The following TMEM232 variants were observed in gnomAD, a reference collection of about 807,000 sequenced individuals.
TMEM232 encodes transmembrane protein 232.
TMEM232 carries 80 observed loss-of-function variants against 78.8 expected under a neutral mutation model. The observed-to-expected ratio is 1.01, with a 90% confidence interval of 0.85 to 1.22. The LOEUF is 1.22. TMEM232 is among the 50% of genes most tolerant of loss of function. The probability of loss-of-function intolerance (pLI) is 0.00; values close to 1 mark genes in which losing one functional copy is unlikely to be tolerated. For missense variants in TMEM232, 881 were observed against 742.2 expected (o/e 1.19, Z -2.17); for synonymous variants, 297 against 254.3 (o/e 1.17, Z -1.60).
chr5:110,525,642 C>A (rs890698901), intron 12 of TMEM232, among the ~76,000 whole-genome samples: 2 of 151,378 alleles, frequency 1.3e-5, no homozygotes, highest in African/African-American at 4.8e-5. Context: ...TTAAGTGATG[C>A]AAGTAAATTT....
At position 110,640,886 on chromosome 5, in the gene TMEM232, C is replaced by T. The variant is rs374240279; in HGVS notation, c.343+5G>A. 9.8e-5 allele frequency: 148 copies of T among 1,506,102 alleles called. 2 individuals are homozygous for T. The Middle Eastern group carries it at 1.9e-3, about 19-fold the overall frequency. 93.3% of individuals were successfully genotyped at this position (1,506,102 alleles called of 1,614,324 possible). On this transcript the variant is annotated splice_donor_5th_base_variant and intron_variant, in intron 4 of 13. Coordinates refer to ENST00000455884, the MANE Select transcript of TMEM232 (RefSeq NM_001039763.4). ...GGATGCCTAATAAGAATTTAAAGTA[C>T]GTACCATCTTGGATTTCCCCTTTGC... is the stretch of plus-strand genomic sequence containing the variant.
At chr5:110,731,447 G>A (rs1798673098), upstream of TMEM232, among the ~76,000 whole-genome samples, 1 of 152,168 alleles carries the variant, frequency 6.6e-6, no homozygotes, top group South Asian at 2.1e-4. Context: ...CTCCATGAGG[G>A]CCCCACCCCT....
At chr5:110,698,225 G>A (rs980720460) in intron 1 of TMEM232, among the ~76,000 whole-genome samples, 1 of 151,672 alleles carries the variant, frequency 6.6e-6, no homozygotes, top group Non-Finnish European at 1.5e-5. Context: ...TCATAGGTGG[G>A]AATGGAACAA....
At chr5:110,569,076 A>T (rs988886371) in intron 10 of TMEM232, among the ~76,000 whole-genome samples, 6 of 151,902 alleles carry the variant, frequency 3.9e-5, no homozygotes, top group Admixed American at 3.3e-4. Flanking sequence ...CAAGAAGAAA[A>T]TGTGCAAATC....
intron 2 of TMEM232, among the ~76,000 whole-genome samples, chr5:110,665,522 T>G (rs1790446921): frequency 6.6e-6 from 1 of 151,942 alleles, no homozygotes; most frequent in Non-Finnish European, 1.5e-5. Context: ...CTTAACATGG[T>G]GGCAGGAGAG....
At chr5:110,456,429 C>T (rs1248381570) in intron 12 of TMEM232, among the ~76,000 whole-genome samples, 1 of 151,954 alleles carries the variant, frequency 6.6e-6, no homozygotes, top group Non-Finnish European at 1.5e-5. Flanking sequence ...GTACAGTGTT[C>T]ATGAATTGAA....
intron 10 of TMEM232, among the ~76,000 whole-genome samples, chr5:110,589,224 A>G (rs776607699): frequency 6.6e-6 from 1 of 152,140 alleles, no homozygotes; most frequent in Non-Finnish European, 1.5e-5. Flanking sequence ...ACATTTTACT[A>G]TCATGTTTAA....
At chr5:110,438,139 C>T (rs562697466) in intron 12 of TMEM232, among the ~76,000 whole-genome samples, 23 of 152,196 alleles carry the variant, frequency 1.5e-4, no homozygotes, top group African/African-American at 5.5e-4. Context: ...CAGTGTGCCT[C>T]AAGGCAGAGG....
chr5:110,707,982 G>C (rs1156683216), intron 1 of TMEM232, among the ~76,000 whole-genome samples: 1 of 152,112 alleles, frequency 6.6e-6, no homozygotes, highest in Non-Finnish European at 1.5e-5. Context: ...TAACTAAAGA[G>C]CCCTTGGGTT....
chr5:110,406,840 G>A (rs1484556220), intron 2 of TMEM232, among the ~76,000 whole-genome samples: 1 of 152,024 alleles, frequency 6.6e-6, no homozygotes, highest in Non-Finnish European at 1.5e-5. Flanking sequence ...AAAATGTAGT[G>A]GAAATGAGGT....
rs62375469 is a variant in TMEM232 at position 110,705,735 on chromosome 5, C to T, written c.-13+20892G>A. 7.1e-3 allele frequency among the ~76,000 whole-genome samples: 1,020 copies of T among 142,824 alleles called. 21 individuals are homozygous for T. The highest frequency in any genetic ancestry group is 0.023 in the African/African-American group (888 of 37,988). 93.7% of individuals were successfully genotyped at this position (142,824 alleles called of 152,430 possible). ...ATATATATATATATACACACACACA[C>T]ATATGTGTGTGTGTGTGTATGTGTG... On this transcript the variant is annotated intron_variant, in intron 1 of 13. Transcript: ENST00000455884.
At chr5:110,491,655 T>G (rs1195085548) in intron 12 of TMEM232, among the ~76,000 whole-genome samples, 1 of 152,028 alleles carries the variant, frequency 6.6e-6, no homozygotes, top group Non-Finnish European at 1.5e-5. Flanking sequence ...TGAATTATAT[T>G]TCATCTTTTT....
chr5:110,684,214 A>G (rs1793114462), intron 1 of TMEM232, among the ~76,000 whole-genome samples: 1 of 152,012 alleles, frequency 6.6e-6, no homozygotes, highest in Admixed American at 6.6e-5. Context: ...GCAGTCAAGA[A>G]TAACCTTAAA....
chr5:110,564,258 T>A (rs1776076037), intron 11 of TMEM232, among the ~76,000 whole-genome samples: 1 of 151,966 alleles, frequency 6.6e-6, no homozygotes, highest in Non-Finnish European at 1.5e-5. Flanking sequence ...TATAAACAGA[T>A]TAACTTGCCT....
In TMEM232 at chr5:110,597,873, T is replaced by A. The variant is rs1012286745; in HGVS notation, c.1276+7236A>T. 2.2e-3 allele frequency among the ~76,000 whole-genome samples: 330 copies of A among 152,246 alleles called. 2 individuals carry two copies. The highest frequency in any genetic ancestry group is 7.5e-3 in the African/African-American group (313 of 41,534). ...TATACAAAAATTAATTCAAGATGGA[T>A]TAAAGAGTTAAATGTTAGACCTAAA... On this transcript the variant is annotated intron_variant, in intron 10 of 13. Coordinates refer to ENST00000455884, the MANE Select transcript of TMEM232 (RefSeq NM_001039763.4).
rs146658821 is a variant in TMEM232 at position 110,554,026 on chromosome 5, G to A, written c.1455+14421C>T. Among the ~76,000 whole-genome samples, 128 of 152,140 alleles carry A rather than the reference G, an allele frequency of 8.4e-4. 3 individuals are homozygous for A. In the East Asian group the frequency reaches 0.021, roughly 25 times the overall value. ...TGATGAATCACATTTATTGTTTTGC[G>A]TATGTTGAATCGATCTTCCATCCCA... On this transcript the variant is annotated intron_variant, in intron 11 of 13. Coordinates refer to ENST00000455884, the MANE Select transcript of TMEM232 (RefSeq NM_001039763.4).
chr5:110,504,186 T>G (rs547444191), intron 12 of TMEM232, among the ~76,000 whole-genome samples: 1 of 152,348 alleles, frequency 6.6e-6, no homozygotes, highest in South Asian at 2.1e-4. Context: ...AGTTTTCATC[T>G]TAAATATGAG....
At chr5:110,422,310 T>C (rs112589042) in intron 13 of TMEM232, among the ~76,000 whole-genome samples, 5,140 of 151,792 alleles carry the variant, frequency 0.034, 295 homozygotes, top group African/African-American at 0.12. Context: ...GGTCAGGAGA[T>C]GGAGACCATC....
intron 11 of TMEM232, among the ~76,000 whole-genome samples, chr5:110,561,234 T>G (rs1426071077): frequency 6.6e-6 from 1 of 152,074 alleles, no homozygotes; most frequent in Admixed American, 6.6e-5. Flanking sequence ...GCTATCAAAT[T>G]GGCACAAAAG....
Sources: gnomAD v4.1 joint callset for allele counts (sites outside exome capture counted in the v4.1 genomes callset) on GRCh38, gnomAD v4.1.1 for gene constraint, MANE v1.5 for transcripts, NCBI Gene and HGNC (gene_info 2026-07-23, HGNC 2026-07-21) for gene names.